The following ATF2 variants were observed in gnomAD, a reference collection of about 807,000 sequenced individuals.
ATF2 encodes the protein activating transcription factor 2, also known as cyclic AMP-dependent transcription factor ATF-2.
In ATF2, 24 loss-of-function variants were observed where a neutral mutation model predicts 60.6. The ratio of observed to expected loss-of-function variants is 0.40; its 90% CI spans 0.29 to 0.56. ATF2 has a LOEUF of 0.56. ATF2 is among the 20% of genes least tolerant of loss of function. ATF2 has a pLI of 0.54. For missense variants in ATF2, 433 were observed against 607.7 expected, an observed-to-expected ratio of 0.71 and a Z score of 3.02; for synonymous variants, 206 against 215.4, an observed-to-expected ratio of 0.96 and a Z score of 0.38.
chr2:175,139,777 A>C (rs980919049), intron 2 of ATF2, among the ~76,000 whole-genome samples: 2 of 152,184 alleles, frequency 1.3e-5, no homozygotes, highest in African/African-American at 4.8e-5. Flanking sequence ...AGACCAGTAA[A>C]TTTGGGTAAC....
At chr2:175,084,377 G>T (rs1021961819) in intron 12 of ATF2, among the ~76,000 whole-genome samples, 1 of 150,718 alleles carries the variant, frequency 6.6e-6, no homozygotes, top group Non-Finnish European at 1.5e-5. Context: ...ATCATTCTCC[G>T]TAAACTATCG....
chr2:175,128,364 G>A (rs1366447255), intron 4 of ATF2, among the ~76,000 whole-genome samples: 1 of 152,136 alleles, frequency 6.6e-6, no homozygotes, highest in Admixed American at 6.5e-5. Flanking sequence ...GCCAGGTGTG[G>A]TGGCGCATGC....
intron 1 of ATF2, among the ~76,000 whole-genome samples, chr2:175,153,300 A>G (rs1262300058): frequency 1.3e-5 from 2 of 152,172 alleles, no homozygotes; most frequent in African/African-American, 4.8e-5. Context: ...TTCTTACATA[A>G]TCATGCATCA....
chr2:175,087,632 A>G (rs1341293305), intron 12 of ATF2, among the ~76,000 whole-genome samples: 2 of 152,220 alleles, frequency 1.3e-5, no homozygotes, highest in African/African-American at 4.8e-5. Flanking sequence ...AAGAAACAGT[A>G]TGAATAGTTT....
chr2:175,135,332 C>G (rs528296632), intron 3 of ATF2, among the ~76,000 whole-genome samples: 1 of 152,198 alleles, frequency 6.6e-6, no homozygotes, highest in South Asian at 2.1e-4. Context: ...TGTCAAAAGT[C>G]GAAAGTGAAT....
rs572172966 is a variant in ATF2 at position 175,166,695 on chromosome 2, G to C, written c.-143+1355C>G. Among the ~76,000 whole-genome samples, 4 of 152,268 alleles carry C rather than the reference G, an allele frequency of 2.6e-5. No individual in the cohort carries two copies. The South Asian group carries it at 6.2e-4, about 24-fold the overall frequency. On this transcript the variant is annotated intron_variant, in intron 1 of 13. Transcript: ENST00000264110. ...TGATTCAAGAGACCAAAGCTATATG[G>C]CTATTTAAAGATCAGAACGGCTGTT... is the stretch of plus-strand genomic sequence containing the variant.
chr2:175,163,932 A>AAAAAAAAAAAAAAAAAAAAAAT (rs71031094), intron 1 of ATF2, among the ~76,000 whole-genome samples: 1 of 148,010 alleles, frequency 6.8e-6, no homozygotes. Context: ...AAAAAAAAAA[A>AAAAAAAAAAAAAAAAAAAAAAT]GAAAAGTGAA....
chr2:175,157,511 G>A (rs1400588756), intron 1 of ATF2, among the ~76,000 whole-genome samples: 4 of 152,118 alleles, frequency 2.6e-5, no homozygotes, highest in Admixed American at 6.6e-5. Flanking sequence ...TCAGGCCAGC[G>A]ACTCTTACCA....
In ATF2 at chr2:175,114,180, AT is replaced by A. The variant is rs1486184775; in HGVS notation, c.627-73del. 2.0e-6 allele frequency: 3 copies of A among 1,498,204 alleles called. No individual in the cohort carries two copies. The African/African-American group carries it at 4.3e-5, about 21-fold the overall frequency. The allele number at this position is 1,498,204 out of a possible 1,614,324, so 92.8% of individuals were successfully genotyped here. On this transcript the variant is annotated intron_variant, in intron 8 of 13. Transcript: ENST00000264110. Reference sequence around the variant, plus strand: ...AACTGTCTCTTAAAAATACAATAGTATTTTTACTCCTATAATCATATCATTT... The same window carrying A: ...AACTGTCTCTTAAAAATACAATAGTATTTTACTCCTATAATCATATCATTT...
chr2:175,080,718 A>C lies in ATF2; in HGVS notation c.1233T>G (p.Leu411=), dbSNP rs144011227. Residue 411 remains leucine, a synonymous_variant, in exon 13 of 14, where the codon CTT becomes CTG. Transcript: ENST00000264110. ...CAGGGCAATCTTTATGAGCCAGAAG[A>C]AGCTGTTTCAGCTGTGCCACTTCAT... ...LRNEVAQLKQ[L]LLAHKDCPVT... The C allele has an allele frequency of 6.1e-5, 99 of 1,613,268 alleles. No homozygotes were observed. In the African/African-American group the frequency reaches 1.1e-3, roughly 18 times the overall value.
intron 10 of ATF2, among the ~76,000 whole-genome samples, chr2:175,101,271 G>A (rs1008648731): frequency 1.3e-5 from 2 of 152,054 alleles, no homozygotes; most frequent in African/African-American, 2.4e-5. Flanking sequence ...TTAGAAAAAC[G>A]ATCAAGAAGT....
intron 1 of ATF2, among the ~76,000 whole-genome samples, chr2:175,158,004 A>C (rs933513745): frequency 5.9e-5 from 9 of 151,868 alleles, no homozygotes; most frequent in African/African-American, 2.2e-4. Context: ...AAAAAAAAAA[A>C]CACCAATATC....
chr2:175,133,631 A>G (rs180728438), intron 3 of ATF2, among the ~76,000 whole-genome samples: 55 of 152,314 alleles, frequency 3.6e-4, no homozygotes, highest in Non-Finnish European at 6.5e-4. Context: ...TGTTATGTCA[A>G]TTAAGGATTC....
At chr2:175,114,965 A>C in intron 7 of ATF2, 97 bp from the exon 8 acceptor site, 1 of 1,178,314 alleles carries the variant, frequency 8.5e-7, no homozygotes, top group Non-Finnish European at 1.1e-6. Flanking sequence ...CATCTACAGA[A>C]TAATAACTGC....
At position 175,092,903 on chromosome 2, in the gene ATF2, C is replaced by T. The variant is rs1376089425; in HGVS notation, c.1185+158G>A. ...GTTTTATATTATTTCATCTCAGCAT[C>T]CAAACAAACAGGTTTACAAAACTAT... On this transcript the variant is annotated intron_variant, in intron 12 of 13. Coordinates refer to ENST00000264110, the MANE Select transcript of ATF2 (RefSeq NM_001880.4). Among the ~76,000 whole-genome samples, 4 of 152,070 alleles carry T rather than the reference C, an allele frequency of 2.6e-5. No homozygotes were observed. In the East Asian group the frequency reaches 5.8e-4, roughly 22 times the overall value.
At chr2:175,147,500 A>G (rs761872434) in intron 2 of ATF2, among the ~76,000 whole-genome samples, 10 of 152,218 alleles carry the variant, frequency 6.6e-5, no homozygotes, top group Non-Finnish European at 1.2e-4. Flanking sequence ...TTAAGCACGT[A>G]CTCAAGTTTC....
intron 10 of ATF2, among the ~76,000 whole-genome samples, chr2:175,103,038 C>T (rs557575706): frequency 6.6e-6 from 1 of 152,292 alleles, no homozygotes; most frequent in East Asian, 1.9e-4. Flanking sequence ...GACACATTCG[C>T]TTTAAGAGGT....
chr2:175,094,923 C>T (rs1262856223), intron 11 of ATF2, among the ~76,000 whole-genome samples: 1 of 152,146 alleles, frequency 6.6e-6, no homozygotes, highest in East Asian at 1.9e-4. Context: ...GCATGGGCAA[C>T]AGAGGAAGAT....
At chr2:175,139,409 C>T (rs1236660270) in intron 2 of ATF2, among the ~76,000 whole-genome samples, 1 of 152,148 alleles carries the variant, frequency 6.6e-6, no homozygotes, top group African/African-American at 2.4e-5. Flanking sequence ...CAGTGGCTCA[C>T]GCCTGTAATG....
Sources: gnomAD v4.1 joint callset for allele counts (sites outside exome capture counted in the v4.1 genomes callset) on GRCh38, gnomAD v4.1.1 for gene constraint, MANE v1.5 for transcripts, NCBI Gene and HGNC (gene_info 2026-07-23, HGNC 2026-07-21) for gene names.